The following MAP4K5 variants were observed in gnomAD, a reference collection of about 807,000 sequenced individuals.
MAP4K5 encodes mitogen-activated protein kinase kinase kinase kinase 5.
In MAP4K5, 82 loss-of-function variants were observed where a neutral mutation model predicts 135.6. The observed-to-expected ratio is 0.60, with a 90% CI of 0.51 to 0.73. The LOEUF is 0.73. MAP4K5 is among the 30% of genes least tolerant of loss of function. The pLI, the probability that MAP4K5 is intolerant of heterozygous loss-of-function variation, is 0.00. For synonymous variants in MAP4K5, 347 were observed against 335.0 expected, an observed-to-expected ratio of 1.04 and a Z score of -0.39; for missense variants, 907 against 1,010.9, an observed-to-expected ratio of 0.90 and a Z score of 1.39.
At chr14:50,560,329 T>G in intron 1 of MAP4K5, 1 of 1,612,374 alleles carries the variant, frequency 6.2e-7, no homozygotes, top group Non-Finnish European at 8.5e-7. Context: ...TTCTGCAGCC[T>G]GCACGGGGTC....
In MAP4K5 at chr14:50,552,334, G is replaced by A. The variant is rs114033559; in HGVS notation, c.-180+8706C>T. Among the ~76,000 whole-genome samples the A allele has an allele frequency of 3.5e-3, 531 of 152,122 alleles. 3 individuals carry two copies. Among genetic ancestry groups the A allele is most frequent in the African/African-American group, 0.012 (498 of 41,502 alleles). On this transcript the variant is annotated intron_variant, in intron 1 of 8. Coordinates refer to the MAP4K5 transcript ENST00000555216. Reference sequence around the variant, plus strand: ...CCAAGGAGGTGAGAGTTCTCTACAAGGAAAATTACAAAACACTGAAAGAAA... The same window carrying A: ...CCAAGGAGGTGAGAGTTCTCTACAAAGAAAATTACAAAACACTGAAAGAAA...
intron 2 of MAP4K5, among the ~76,000 whole-genome samples, chr14:50,525,958 T>C (rs188947054): frequency 2.0e-5 from 3 of 152,282 alleles, no homozygotes; most frequent in Non-Finnish European, 4.4e-5. Context: ...TATAAAATAA[T>C]AAAAATAAAT....
At position 50,519,109 on chromosome 14, in the gene MAP4K5, T is replaced by G. The variant is rs550390615; in HGVS notation, c.108+12833A>C. Among the ~76,000 whole-genome samples the G allele has an allele frequency of 2.6e-5, 4 of 152,210 alleles. No homozygotes were observed. The South Asian group carries it at 8.3e-4, about 32-fold the overall frequency. On this transcript the variant is annotated intron_variant, in intron 2 of 32. Coordinates refer to ENST00000682126, the MANE Select transcript of MAP4K5 (RefSeq NM_006575.6). Reference sequence around the variant, plus strand: ...ATGTTTGTATATAATGAACTAAAAATTATATAACTATACAAGAAAATAATA... The same window carrying G: ...ATGTTTGTATATAATGAACTAAAAAGTATATAACTATACAAGAAAATAATA...
At chr14:50,485,356 T>C (rs1226797396) in intron 5 of MAP4K5, among the ~76,000 whole-genome samples, 2 of 152,110 alleles carry the variant, frequency 1.3e-5, no homozygotes, top group Non-Finnish European at 2.9e-5. Flanking sequence ...AGAGTAAAAT[T>C]TGGATTATAT....
chr14:50,560,038 C>T lies in MAP4K5; in HGVS notation c.-180+1002G>A, dbSNP rs1189968412. The T allele has an allele frequency of 1.7e-5, 10 of 593,080 alleles. No individual in the cohort carries two copies. In the East Asian group the frequency reaches 2.3e-4, roughly 14 times the overall value. The allele number at this position is 593,080 out of a possible 1,614,324, so 36.7% of individuals were successfully genotyped here. ...GTGGACTGAGGTAGGGAGGGTGTGA[C>T]GCTGGTATCTGTGTGAACTCGGGCT... On this transcript the variant is annotated intron_variant, in intron 1 of 8. Transcript: ENST00000555216.
chr14:50,511,527 T>C (rs2144969), intron 2 of MAP4K5, among the ~76,000 whole-genome samples: 151,653 of 152,262 alleles, frequency 1, 75,532 homozygotes, highest in Middle Eastern at 1. Context: ...TTAACAATAA[T>C]ATATTACATA....
chr14:50,425,769 C>CT (rs2035831941), intron 31 of MAP4K5, 138 bp downstream of exon 31: 1 of 500,528 alleles, frequency 2.0e-6, no homozygotes, highest in Non-Finnish European at 3.5e-6. Flanking sequence ...AAAATACTGG[C>CT]TTTTTTGTTC....
At chr14:50,482,654 G>C (rs2037272689) in intron 5 of MAP4K5, 1 of 324,004 alleles carries the variant, frequency 3.1e-6, no homozygotes, top group Admixed American at 5.6e-5. Context: ...GTGCGCACCT[G>C]TAGTCCCAGC....
At chr14:50,512,264 C>A (rs2037946297) in intron 2 of MAP4K5, among the ~76,000 whole-genome samples, 2 of 152,156 alleles carry the variant, frequency 1.3e-5, no homozygotes, top group South Asian at 4.1e-4. Context: ...TACACATTTT[C>A]AGACACATTT....
rs796268863 is a variant in MAP4K5 at position 50,543,766 on chromosome 14, G to C, written c.-179-1182C>G. Among the ~76,000 whole-genome samples the C allele has an allele frequency of 9.2e-5, 14 of 152,272 alleles. 1 individual carries two copies. Among genetic ancestry groups the C allele is most frequent in the African/African-American group, 3.1e-4 (13 of 41,558 alleles). ...GAACCAAGAGGCAGAGGTAGGAGTGGCTCTTCTATTATTCCTAATAACTCT... is the reference window on the plus strand; with the variant it reads ...GAACCAAGAGGCAGAGGTAGGAGTGCCTCTTCTATTATTCCTAATAACTCT... On this transcript the variant is annotated intron_variant, in intron 1 of 8. Coordinates refer to the MAP4K5 transcript ENST00000555216.
In MAP4K5 at chr14:50,532,169, G is replaced by A; in HGVS notation, c.-109-11C>T. 4.5e-6 allele frequency: 3 copies of A among 660,812 alleles called. No individual in the cohort carries two copies. In the South Asian group the frequency reaches 5.6e-5, roughly 12 times the overall value. 40.9% of individuals were successfully genotyped at this position (660,812 alleles called of 1,614,324 possible). A position where few individuals can be genotyped will look rare whatever the true frequency, so the allele number is the denominator to read the frequency against. On this transcript the variant is annotated splice_polypyrimidine_tract_variant and intron_variant, in intron 1 of 32. Transcript: ENST00000682126. ...CGCCCGCAGCTCCGTCTGCACGAGGGACGAGCAAAGGCTGGTTGGCGTCGC... is the reference window on the plus strand; with the variant it reads ...CGCCCGCAGCTCCGTCTGCACGAGGAACGAGCAAAGGCTGGTTGGCGTCGC...
rs1385530087 is a variant in MAP4K5 at position 50,419,212 on chromosome 14, G to T, written c.*807C>A. 6.6e-6 allele frequency: 1 copy of T among 152,062 alleles called. No individual in the cohort carries two copies. Among genetic ancestry groups the T allele is most frequent in the Non-Finnish European group, 1.5e-5 (1 of 67,966 alleles). The allele number at this position is 152,062 out of a possible 1,614,324, so 9.4% of individuals were successfully genotyped here. ...ACAGGTATTTTATACTGCTTGTCAA[G>T]AATACATACACATGGTAGACACAGC... On this transcript the variant is annotated 3_prime_UTR_variant, in exon 33 of 33. Transcript: ENST00000682126.
intron 3 of MAP4K5, among the ~76,000 whole-genome samples, chr14:50,492,819 T>C (rs760353984): frequency 6.6e-6 from 1 of 152,130 alleles, no homozygotes; most frequent in Non-Finnish European, 1.5e-5. Flanking sequence ...TTATTCCATA[T>C]TATTGTATCC....
intron 6 of MAP4K5, among the ~76,000 whole-genome samples, chr14:50,477,069 T>A (rs912920969): frequency 6.6e-6 from 1 of 152,206 alleles, no homozygotes; most frequent in Non-Finnish European, 1.5e-5. Context: ...ACAGAACAAT[T>A]TGTGAAGAAT....
At chr14:50,547,601 C>G (rs979443470) in intron 1 of MAP4K5, among the ~76,000 whole-genome samples, 1 of 152,168 alleles carries the variant, frequency 6.6e-6, no homozygotes, top group East Asian at 1.9e-4. Flanking sequence ...ACATAAGGTA[C>G]AGATAGGCCA....
intron 21 of MAP4K5, among the ~76,000 whole-genome samples, chr14:50,441,105 A>G (rs539494147): frequency 2.0e-5 from 3 of 152,360 alleles, no homozygotes; most frequent in Admixed American, 1.3e-4. Flanking sequence ...ATAAGTTTAA[A>G]CTGATATAAA....
intron 21 of MAP4K5, among the ~76,000 whole-genome samples, chr14:50,441,233 A>T (rs1405277783): frequency 6.6e-6 from 1 of 152,162 alleles, no homozygotes; most frequent in African/African-American, 2.4e-5. Flanking sequence ...TATAAACATA[A>T]TCTCAGTGCA....
rs73287995 is a variant in MAP4K5 at position 50,506,648 on chromosome 14, C to T, written c.109-1791G>A. Among the ~76,000 whole-genome samples, 830 of 152,254 alleles carry T rather than the reference C, an allele frequency of 5.5e-3. 7 individuals carry two copies. The highest frequency in any genetic ancestry group is 0.019 in the African/African-American group (791 of 41,558). On this transcript the variant is annotated intron_variant, in intron 2 of 32. Coordinates refer to ENST00000682126, the MANE Select transcript of MAP4K5 (RefSeq NM_006575.6). Reference sequence around the variant, plus strand: ...GCTGGGATTACAGTGAACCACCAGGCCTGGCAAGAAAATAATTTTCAACAG... The same window carrying T: ...GCTGGGATTACAGTGAACCACCAGGTCTGGCAAGAAAATAATTTTCAACAG...
chr14:50,445,495 T>A (rs906873963), intron 17 of MAP4K5, among the ~76,000 whole-genome samples: 1 of 152,210 alleles, frequency 6.6e-6, no homozygotes. Flanking sequence ...ATAAGAATGA[T>A]AAATGATGAA....
Sources: allele counts gnomAD v4.1 joint callset (sites outside exome capture counted in the v4.1 genomes callset), GRCh38; gene constraint gnomAD v4.1.1; transcripts MANE v1.5; gene names NCBI Gene and HGNC (gene_info 2026-07-23, HGNC 2026-07-21).